Variants in TMPRSS11A observed in about 807,000 individuals in gnomAD.
TMPRSS11A encodes transmembrane serine protease 11A.
TMPRSS11A carries 53 observed loss-of-function variants against 58.9 expected under a neutral mutation model. The observed-to-expected ratio is 0.90, with a 90% CI of 0.72 to 1.13. TMPRSS11A has a LOEUF of 1.13. TMPRSS11A is among the 50% of genes most tolerant of loss of function. The pLI is 0.00. For missense variants in TMPRSS11A, 493 were observed against 499.3 expected, an observed-to-expected ratio of 0.99 and a Z score of 0.12; for synonymous variants, 167 against 169.8, an observed-to-expected ratio of 0.98 and a Z score of 0.13.
intron 6 of TMPRSS11A, 92 bp from the exon 7 acceptor site, chr4:67,923,018 A>G (rs771089507): frequency 2.0e-4 from 246 of 1,233,156 alleles, no homozygotes; most frequent in Non-Finnish European, 2.7e-4. Flanking sequence ...ATTTTCGTAT[A>G]CTACTCCTCC....
At chr4:67,919,258 A>G (rs763060348) in intron 7 of TMPRSS11A, 26 bp from the exon 8 acceptor site, 1 of 1,608,112 alleles carries the variant, frequency 6.2e-7, no homozygotes, top group Non-Finnish European at 8.5e-7. Flanking sequence ...AATTAACAGA[A>G]TATATATAAG....
intron 7 of TMPRSS11A, among the ~76,000 whole-genome samples, chr4:67,921,291 A>G (rs1381671373): frequency 2.6e-5 from 4 of 152,214 alleles, no homozygotes; most frequent in Non-Finnish European, 5.9e-5. Flanking sequence ...CTGAGCTCTC[A>G]CATCTTTCAA....
intron 8 of TMPRSS11A, among the ~76,000 whole-genome samples, chr4:67,917,537 C>G (rs353167): frequency 6.6e-6 from 1 of 152,052 alleles, no homozygotes. Flanking sequence ...TGGTGAGTAA[C>G]GAATGGCTGC....
intron 4 of TMPRSS11A, among the ~76,000 whole-genome samples, chr4:67,930,829 T>TTTTTTTCC (rs1265700805): frequency 1.1e-5 from 1 of 90,158 alleles, no homozygotes; most frequent in African/African-American, 4.7e-5. Context: ...TTTTTTTTTT[T>TTTTTTTCC]ACAAAAAAAA....
chr4:67,928,500 A>G (rs1720530856), intron 5 of TMPRSS11A, among the ~76,000 whole-genome samples: 1 of 152,266 alleles, frequency 6.6e-6, no homozygotes, highest in African/African-American at 2.4e-5. Flanking sequence ...GGTTTCAGAT[A>G]GTTCAGGCTT....
intron 5 of TMPRSS11A, among the ~76,000 whole-genome samples, chr4:67,926,959 G>T (rs1720489670): frequency 6.6e-6 from 1 of 152,186 alleles, no homozygotes. Flanking sequence ...CAACCTGCCT[G>T]CAGAGAGGAG....
intron 3 of TMPRSS11A, among the ~76,000 whole-genome samples, chr4:67,933,670 G>C (rs955691338): frequency 6.6e-6 from 1 of 152,128 alleles, no homozygotes; most frequent in Non-Finnish European, 1.5e-5. Context: ...TCTTTTGGAA[G>C]ACATGTTTTT....
intron 1 of TMPRSS11A, among the ~76,000 whole-genome samples, chr4:67,956,037 T>A (rs1405595263): frequency 6.6e-6 from 1 of 152,190 alleles, no homozygotes; most frequent in Non-Finnish European, 1.5e-5. Context: ...CTAACATGTA[T>A]CTTGAGAAGT....
At chr4:67,960,136 G>C (rs76024948) in intron 1 of TMPRSS11A, among the ~76,000 whole-genome samples, 2 of 152,082 alleles carry the variant, frequency 1.3e-5, no homozygotes, top group African/African-American at 4.8e-5. Context: ...ATAAACACGG[G>C]AATAATGGAC....
intron 1 of TMPRSS11A, among the ~76,000 whole-genome samples, chr4:67,955,704 G>A (rs1447985919): frequency 6.6e-6 from 1 of 151,912 alleles, no homozygotes; most frequent in East Asian, 1.9e-4. Flanking sequence ...TGTTTTAGTG[G>A]GCCTCTACTA....
At chr4:67,943,404 A>T (rs72851251) in intron 3 of TMPRSS11A, among the ~76,000 whole-genome samples, 5,191 of 152,290 alleles carry the variant, frequency 0.034, 299 homozygotes, top group African/African-American at 0.12. Flanking sequence ...CCATCATTCA[A>T]AGGTGTGTTT....
chr4:67,938,067 A>C (rs1720795297), intron 3 of TMPRSS11A, among the ~76,000 whole-genome samples: 1 of 152,002 alleles, frequency 6.6e-6, no homozygotes, highest in Non-Finnish European at 1.5e-5. Context: ...TCAGCATGTT[A>C]TTTTTTTAAT....
intron 1 of TMPRSS11A, among the ~76,000 whole-genome samples, chr4:67,956,253 G>A (rs1721285291): frequency 6.6e-6 from 1 of 152,068 alleles, no homozygotes; most frequent in Admixed American, 6.6e-5. Context: ...TTACTAATGA[G>A]GAAACTTGGG....
chr4:67,912,839 G>T (rs1720021036), intron 9 of TMPRSS11A, among the ~76,000 whole-genome samples: 1 of 152,094 alleles, frequency 6.6e-6, no homozygotes, highest in Admixed American at 6.5e-5. Flanking sequence ...TCAATAGGAT[G>T]CATGTAAGCT....
chr4:67,920,581 G>C (rs1370901896), intron 7 of TMPRSS11A, among the ~76,000 whole-genome samples: 1 of 138,122 alleles, frequency 7.2e-6, no homozygotes, highest in African/African-American at 2.7e-5. Context: ...ACACATATAT[G>C]CATATATATA....
At position 67,919,141 on chromosome 4, in the gene TMPRSS11A, C is replaced by T. The variant is rs368612521; in HGVS notation, c.784G>A (p.Glu262Lys). 35 of 1,614,052 alleles carry T rather than the reference C, an allele frequency of 2.2e-5. No homozygotes were observed. Among genetic ancestry groups the T allele is most frequent in the East Asian group, 1.6e-4 (7 of 44,894 alleles). ...TCTCTTGCTGCAGAGCGGTACTTCT[C>T]ATGGATAATAAATCTTCTGACATTT... ...KRNVRRFIIHEKYRSAAREYD... is the reference protein window; with the variant it reads ...KRNVRRFIIHKKYRSAAREYD... Residue 262 changes from glutamate (E) to lysine (K), a missense_variant, in exon 8 of 10, where the codon GAG becomes AAG. By Grantham distance (56) the Glu-to-Lys change is moderately conservative. Transcript: ENST00000508048.
intron 3 of TMPRSS11A, among the ~76,000 whole-genome samples, chr4:67,940,160 A>G (rs1451387943): frequency 1.3e-5 from 2 of 152,126 alleles, no homozygotes; most frequent in Admixed American, 6.6e-5. Context: ...GGATTTTTAT[A>G]TCTATGTTCA....
At chr4:67,939,669 T>C (rs1213133507) in intron 3 of TMPRSS11A, among the ~76,000 whole-genome samples, 1 of 152,018 alleles carries the variant, frequency 6.6e-6, no homozygotes, top group Non-Finnish European at 1.5e-5. Flanking sequence ...ATTGAGATGA[T>C]TGTATGATTT....
chr4:67,914,692 T>G lies in TMPRSS11A; in HGVS notation c.991A>C (p.Ile331Leu). ...QNDLREARVKIISDDVCKQPQ... is the reference protein window; with the variant it reads ...QNDLREARVKLISDDVCKQPQ... ...TGCTTGCAGACATCATCACTTATGA[T>G]TTTCACTCTGGCTTCTCGGAGATCA... The change falls in exon 9 of 10, where the codon ATC becomes CTC. Residue 331 changes from isoleucine to leucine, a missense_variant. Physicochemically the swap from Ile to Leu is conservative, Grantham distance 5. Transcript: ENST00000508048. 6.2e-7 allele frequency: 1 copy of G among 1,613,190 alleles called. No homozygotes were observed. The highest frequency in any genetic ancestry group is 8.5e-7 in the Non-Finnish European group (1 of 1,179,476).
Sources: allele counts gnomAD v4.1 joint callset (sites outside exome capture counted in the v4.1 genomes callset), GRCh38; gene constraint gnomAD v4.1.1; transcripts MANE v1.5; gene names NCBI Gene and HGNC (gene_info 2026-07-23, HGNC 2026-07-21).